The following KCNMB2 variants were observed in gnomAD, a reference collection of about 807,000 sequenced individuals.
KCNMB2 encodes potassium calcium-activated channel subfamily M regulatory beta subunit 2.
KCNMB2 carries 9 observed loss-of-function variants against 24.5 expected under a neutral mutation model. That is an observed-to-expected ratio of 0.37 (90% confidence interval 0.22 to 0.64). The LOEUF is 0.64. Among genes scored for constraint, KCNMB2 ranks in the 30% least tolerant of loss-of-function variants. The probability of loss-of-function intolerance (pLI) is 0.63; values close to 1 mark genes in which losing one functional copy is unlikely to be tolerated. For missense variants in KCNMB2, 226 were observed against 284.3 expected (o/e 0.79, Z 1.47); for synonymous variants, 109 against 104.4 (o/e 1.04, Z -0.27).
intron 1 of KCNMB2, among the ~76,000 whole-genome samples, chr3:178,723,010 T>TA (rs201204655): frequency 0.015 from 2,220 of 151,738 alleles, 54 homozygotes; most frequent in African/African-American, 0.049. Context: ...TGTATCTTTG[T>TA]AAAAAAAAAT....
intron 1 of KCNMB2, among the ~76,000 whole-genome samples, chr3:178,605,769 T>C (rs1276308480): frequency 1.3e-5 from 2 of 152,172 alleles, no homozygotes; most frequent in South Asian, 2.1e-4. Flanking sequence ...TTGTGGAAGA[T>C]AGAACTTGCA....
In KCNMB2 at chr3:178,601,604, T is replaced by C. The variant is rs921967991; in HGVS notation, c.-68+64893T>C. On this transcript the variant is annotated intron_variant, in intron 1 of 4. Transcript: ENST00000452583. ...ATTGCATTACTTTCCTGGCCTTTCCTCAGGAGGGGCCCTCCTTTTGAGTCA... is the reference window on the plus strand; with the variant it reads ...ATTGCATTACTTTCCTGGCCTTTCCCCAGGAGGGGCCCTCCTTTTGAGTCA... Among the ~76,000 whole-genome samples, 10 of 152,194 alleles carry C rather than the reference T, an allele frequency of 6.6e-5. 1 individual carries two copies. The highest frequency in any genetic ancestry group is 1.3e-4 in the Non-Finnish European group (9 of 68,024).
intron 1 of KCNMB2, among the ~76,000 whole-genome samples, chr3:178,589,412 T>C (rs1012249689): frequency 1.3e-5 from 2 of 152,148 alleles, no homozygotes; most frequent in African/African-American, 4.8e-5. Context: ...AACCAGCAGA[T>C]CACAGGGACT....
chr3:178,655,432 A>C (rs909334634), intron 1 of KCNMB2, among the ~76,000 whole-genome samples: 3 of 152,158 alleles, frequency 2.0e-5, no homozygotes, highest in Non-Finnish European at 4.4e-5. Context: ...GGAATTGGAA[A>C]TAAAACATCA....
chr3:178,715,884 A>T (rs931635417), intron 1 of KCNMB2, among the ~76,000 whole-genome samples: 4 of 152,162 alleles, frequency 2.6e-5, no homozygotes, highest in Admixed American at 1.3e-4. Context: ...ACAGAAGTCA[A>T]CTTTTCAGGT....
intron 3 of KCNMB2, 37 bp downstream of exon 3, chr3:178,825,795 C>G (rs1327032933): frequency 6.5e-7 from 1 of 1,547,826 alleles, no homozygotes; most frequent in Admixed American, 1.7e-5. Context: ...TGCTGTTTGT[C>G]TCCTGCTCCA....
intron 1 of KCNMB2, among the ~76,000 whole-genome samples, chr3:178,614,438 G>A (rs1290326777): frequency 6.7e-6 from 1 of 149,988 alleles, no homozygotes; most frequent in African/African-American, 2.5e-5. Context: ...TGTCTTCATG[G>A]TGGCAGACAA....
intron 1 of KCNMB2, among the ~76,000 whole-genome samples, chr3:178,604,149 T>G (rs1445588334): frequency 6.6e-6 from 1 of 152,120 alleles, no homozygotes; most frequent in Non-Finnish European, 1.5e-5. Context: ...CTCACCCCTT[T>G]GGAACAAAGC....
At chr3:178,769,866 T>G (rs1712274138) in intron 1 of KCNMB2, among the ~76,000 whole-genome samples, 1 of 152,214 alleles carries the variant, frequency 6.6e-6, no homozygotes, top group South Asian at 2.1e-4. Context: ...ATGCAAATTA[T>G]ATAAATAAAT....
intron 2 of KCNMB2, among the ~76,000 whole-genome samples, chr3:178,810,902 CT>C (rs56925343): frequency 0.24 from 26,212 of 108,186 alleles, 2,107 homozygotes; most frequent in African/African-American, 0.26. Flanking sequence ...ACCTGGCTAA[CT>C]TTTTTTTTTT....
At chr3:178,726,130 T>C (rs957781089) in intron 1 of KCNMB2, among the ~76,000 whole-genome samples, 1 of 151,944 alleles carries the variant, frequency 6.6e-6, no homozygotes, top group African/African-American at 2.4e-5. Flanking sequence ...ACAGTCTACA[T>C]ATATAACTTT....
chr3:178,768,772 A>C (rs1287524175), intron 1 of KCNMB2, among the ~76,000 whole-genome samples: 2 of 152,096 alleles, frequency 1.3e-5, no homozygotes, highest in African/African-American at 4.8e-5. Flanking sequence ...TTACTGACCT[A>C]TTTCTTATTT....
chr3:178,568,824 A>AGATAGATAGATAGATAGATAGATAGATG (rs1716644374), intron 1 of KCNMB2, among the ~76,000 whole-genome samples: 1 of 85,418 alleles, frequency 1.2e-5, no homozygotes, highest in African/African-American at 5.5e-5. Context: ...GATAATAGAT[A>AGATAGATAGATAGATAGATAGATAGATG]GATAGATGAT....
At position 178,741,555 on chromosome 3, in the gene KCNMB2, C is replaced by G. The variant is rs141202404; in HGVS notation, c.-67-65788C>G. On this transcript the variant is annotated intron_variant, in intron 1 of 4. Transcript: ENST00000452583. ...CCACCAACAGGTCATCCCTCCCTGT[C>G]TTCTACCAGGAAGATTCCTCTCCCC... Among the ~76,000 whole-genome samples, 788 of 152,304 alleles carry G rather than the reference C, an allele frequency of 5.2e-3. 7 individuals are homozygous for G. Among genetic ancestry groups the G allele is most frequent in the South Asian group, 0.016 (76 of 4,818 alleles).
At chr3:178,708,374 G>C (rs756475458) in intron 1 of KCNMB2, among the ~76,000 whole-genome samples, 30 of 152,088 alleles carry the variant, frequency 2.0e-4, no homozygotes, top group Admixed American at 1.2e-3. Context: ...GCCTGGCATT[G>C]GGCTATGCTG....
chr3:178,725,209 C>T (rs1722928879), intron 1 of KCNMB2, among the ~76,000 whole-genome samples: 1 of 152,106 alleles, frequency 6.6e-6, no homozygotes, highest in Middle Eastern at 3.4e-3. Flanking sequence ...TTTTATAGTT[C>T]TCCTCATAGA....
intron 1 of KCNMB2, among the ~76,000 whole-genome samples, chr3:178,702,199 G>A (rs1158224637): frequency 7.5e-5 from 11 of 146,842 alleles, no homozygotes; most frequent in Non-Finnish European, 1.0e-4. Flanking sequence ...ACCAAACACC[G>A]CATGTTCTCA....
At chr3:178,710,757 G>GA (rs1361910079) in intron 1 of KCNMB2, among the ~76,000 whole-genome samples, 1 of 152,148 alleles carries the variant, frequency 6.6e-6, no homozygotes, top group African/African-American at 2.4e-5. Flanking sequence ...AAAGCACCTT[G>GA]AAAGTTTTCC....
At position 178,842,633 on chromosome 3, in the gene KCNMB2, G is replaced by A. The variant is rs1715465278; in HGVS notation, c.424-20G>A. 6.5e-7 allele frequency: 1 copy of A among 1,538,428 alleles called. No homozygotes were observed. The highest frequency in any genetic ancestry group is 1.4e-5 in the African/African-American group (1 of 73,200). On this transcript the variant is annotated intron_variant, in intron 4 of 4. Coordinates refer to ENST00000452583, the MANE Select transcript of KCNMB2 (RefSeq NM_181361.3). ...ACACACATAGTATCTTCTAGTAACAGTTTATCTTATTCTCCACAGTGCTCC... is the reference window on the plus strand; with the variant it reads ...ACACACATAGTATCTTCTAGTAACAATTTATCTTATTCTCCACAGTGCTCC...
Sources: allele counts gnomAD v4.1 joint callset (sites outside exome capture counted in the v4.1 genomes callset), GRCh38; gene constraint gnomAD v4.1.1; transcripts MANE v1.5; gene names NCBI Gene and HGNC (gene_info 2026-07-23, HGNC 2026-07-21).